Variants in SENP1 observed in about 807,000 individuals in gnomAD.
SENP1 encodes SUMO specific peptidase 1.
In SENP1, 21 loss-of-function variants were observed where a neutral mutation model predicts 93.0. The ratio of observed to expected loss-of-function variants is 0.23; its 90% CI spans 0.16 to 0.33. The LOEUF (loss-of-function observed/expected upper bound fraction) is 0.33, where lower values mean the gene tolerates loss of function less well. SENP1 is among the 10% of genes least tolerant of loss of function. The pLI, the probability that SENP1 is intolerant of heterozygous loss-of-function variation, is 1.00. For missense variants in SENP1, 591 were observed against 758.7 expected, an observed-to-expected ratio of 0.78 and a Z score of 2.60; for synonymous variants, 256 against 259.6, an observed-to-expected ratio of 0.99 and a Z score of 0.13.
At chr12:48,082,972 CA>C (rs1178134120) in intron 6 of SENP1, among the ~76,000 whole-genome samples, 28 of 152,256 alleles carry the variant, frequency 1.8e-4, no homozygotes, top group African/African-American at 5.8e-4. Flanking sequence ...TGACACAAAG[CA>C]AGTCGAGTGC....
chr12:48,055,475 G>A (rs1386888019), intron 13 of SENP1: 1 of 152,136 alleles, frequency 6.6e-6, no homozygotes, highest in East Asian at 1.9e-4. Context: ...CTATTCTTCT[G>A]GCTCATGAGG....
chr12:48,099,411 T>C (rs1592487622), intron 2 of SENP1, among the ~76,000 whole-genome samples: 5 of 152,240 alleles, frequency 3.3e-5, no homozygotes, highest in Admixed American at 3.3e-4. Context: ...ATATTTTAAC[T>C]ATAGAAAAAA....
intron 17 of SENP1, 136 bp downstream of exon 17, chr12:48,046,220 T>A: frequency 1.6e-6 from 1 of 613,122 alleles, no homozygotes; most frequent in Non-Finnish European, 3.0e-6. Context: ...TAACCATCAG[T>A]GTTATGAATC....
At chr12:48,094,082 G>T (rs1339523025) in intron 4 of SENP1, among the ~76,000 whole-genome samples, 1 of 152,224 alleles carries the variant, frequency 6.6e-6, no homozygotes, top group East Asian at 1.9e-4. Context: ...AGTTAAATAA[G>T]AGTTGAATGA....
chr12:48,059,763 GGTTT>G lies in SENP1; in HGVS notation c.1407+3943_1407+3946del, dbSNP rs1176691257. 2.0e-5 allele frequency among the ~76,000 whole-genome samples: 3 copies of G among 152,062 alleles called. No individual in the cohort carries two copies. In the South Asian group the frequency reaches 6.2e-4, roughly 32 times the overall value. On this transcript the variant is annotated intron_variant, in intron 13 of 17. Transcript: ENST00000549518. ...ATTTGGATCAGTTTCAGGCTTTTGA[GGTTT>G]GTTTTTAGGCTTTGTGATGGTGGGT...
chr12:48,078,335 AC>A (rs1206526354), intron 6 of SENP1, among the ~76,000 whole-genome samples: 12 of 64,296 alleles, frequency 1.9e-4, no homozygotes, highest in Non-Finnish European at 2.9e-4. Context: ...ATATATATAT[AC>A]ACACACATAT....
intron 4 of SENP1, among the ~76,000 whole-genome samples, chr12:48,093,280 GTT>G (rs374804144): frequency 0.024 from 3,019 of 126,446 alleles, 101 homozygotes; most frequent in African/African-American, 0.085. Flanking sequence ...TTCAGGTGAG[GTT>G]TTTTTTTTTT....
At chr12:48,054,939 AT>A (rs1374394917) in intron 13 of SENP1, 1 of 218,034 alleles carries the variant, frequency 4.6e-6, no homozygotes, top group African/African-American at 2.3e-5. Flanking sequence ...AAACCGGAAT[AT>A]TTATTGTGTG....
At position 48,096,439 on chromosome 12, in the gene SENP1, A is replaced by C; in HGVS notation, c.136-12T>G. On this transcript the variant is annotated splice_polypyrimidine_tract_variant and intron_variant, in intron 3 of 17. Transcript: ENST00000549518. ...CTGGAAGATAAAATCTAAACAAAGC[A>C]GAAGATTTTTCTTAAGTCACATTTT... is the stretch of plus-strand genomic sequence containing the variant. 2.5e-6 allele frequency: 4 copies of C among 1,571,960 alleles called. No individual in the cohort carries two copies. Among genetic ancestry groups the C allele is most frequent in the Non-Finnish European group, 2.6e-6 (3 of 1,148,118 alleles).
chr12:48,099,329 G>T (rs1432387629), intron 2 of SENP1, among the ~76,000 whole-genome samples: 4 of 150,964 alleles, frequency 2.6e-5, no homozygotes, highest in African/African-American at 4.9e-5. Context: ...CCCTGTCTCA[G>T]AAAACAACAA....
chr12:48,083,896 G>A (rs1944656085), intron 5 of SENP1, 134 bp from the exon 6 acceptor site: 1 of 605,988 alleles, frequency 1.7e-6, no homozygotes, highest in Non-Finnish European at 2.8e-6. Context: ...CCATTTGAGG[G>A]AAAGATACAA....
At chr12:48,102,790 G>A (rs536039633) in intron 1 of SENP1, among the ~76,000 whole-genome samples, 2 of 140,990 alleles carry the variant, frequency 1.4e-5, no homozygotes, top group African/African-American at 2.7e-5. Context: ...CAGCCTGGGC[G>A]ACAGGGCGAG....
In SENP1 at chr12:48,043,498, G is replaced by A. The variant is rs1302349555; in HGVS notation, c.*1824C>T. 1 of 152,570 alleles carries A rather than the reference G, an allele frequency of 6.6e-6. No homozygotes were observed. Among genetic ancestry groups the A allele is most frequent in the East Asian group, 1.9e-4 (1 of 5,196 alleles). The allele number at this position is 152,570 out of a possible 1,614,324, so 9.5% of individuals were successfully genotyped here. The stretch of plus-strand genomic sequence containing the variant: ...ATACCAAGAACCAGACAATATTCCA[G>A]GAGTCCTGCAATGAGACTGCATGCC... On this transcript the variant is annotated 3_prime_UTR_variant, in exon 18 of 18. Transcript: ENST00000549518.
chr12:48,081,844 A>G (rs1409208128), intron 6 of SENP1, among the ~76,000 whole-genome samples: 5 of 151,666 alleles, frequency 3.3e-5, no homozygotes, highest in African/African-American at 1.2e-4. Context: ...GGGATTGTAC[A>G]TGAGCCACCA....
At chr12:48,079,786 GT>G (rs997160619) in intron 6 of SENP1, among the ~76,000 whole-genome samples, 3 of 91,982 alleles carry the variant, frequency 3.3e-5, no homozygotes, top group African/African-American at 1.2e-4. Flanking sequence ...CTAGTAAACT[GT>G]TTTTTTATAA....
intron 6 of SENP1, among the ~76,000 whole-genome samples, chr12:48,082,904 TA>T (rs892238581): frequency 5.9e-5 from 9 of 152,246 alleles, no homozygotes; most frequent in African/African-American, 2.2e-4. Context: ...TTCATCAAAT[TA>T]AAAAAACAAT....
intron 3 of SENP1, among the ~76,000 whole-genome samples, chr12:48,096,818 C>A (rs1945597511): frequency 6.6e-6 from 1 of 152,070 alleles, no homozygotes; most frequent in Non-Finnish European, 1.5e-5. Flanking sequence ...TTAAACAAGA[C>A]TATAAGCCAG....
chr12:48,062,371 T>C lies in SENP1; in HGVS notation c.1407+1339A>G, dbSNP rs141977970. On this transcript the variant is annotated intron_variant, in intron 13 of 17. Transcript: ENST00000549518. Reference sequence around the variant, plus strand: ...TTTTTTTCCATTATTTGAACCAATGTTCTAATATCTGAGCCAAAAGAGGCA... The same window carrying C: ...TTTTTTTCCATTATTTGAACCAATGCTCTAATATCTGAGCCAAAAGAGGCA... Among the ~76,000 whole-genome samples, 723 of 152,356 alleles carry C rather than the reference T, an allele frequency of 4.7e-3. 7 individuals are homozygous for C. Among genetic ancestry groups the C allele is most frequent in the African/African-American group, 0.016 (648 of 41,588 alleles).
At chr12:48,102,878 C>T (rs190495575) in intron 1 of SENP1, among the ~76,000 whole-genome samples, 448 of 151,650 alleles carry the variant, frequency 3.0e-3, no homozygotes, top group Non-Finnish European at 5.5e-3. Context: ...ATCTGATTAC[C>T]TAGTCTTGCC....
Sources: gnomAD v4.1 joint callset for allele counts (sites outside exome capture counted in the v4.1 genomes callset) on GRCh38, gnomAD v4.1.1 for gene constraint, MANE v1.5 for transcripts, NCBI Gene and HGNC (gene_info 2026-07-23, HGNC 2026-07-21) for gene names.